CYP11A1: variants seen among roughly 807,000 people sequenced by gnomAD.
CYP11A1 encodes the protein cytochrome P450 family 11 subfamily A member 1.
A neutral mutation model predicts 51.9 loss-of-function variants in CYP11A1; 25 were observed. The observed-to-expected ratio is 0.48, with a 90% CI of 0.35 to 0.67. The LOEUF is 0.67. Among genes scored for constraint, CYP11A1 ranks in the 30% least tolerant of loss-of-function variants. CYP11A1 has a pLI of 0.00. For synonymous variants in CYP11A1, 245 were observed against 262.1 expected (o/e 0.93, Z 0.63); for missense variants, 578 against 680.9 (o/e 0.85, Z 1.68).
At chr15:74,340,735 C>A (rs535026057) in intron 5 of CYP11A1, among the ~76,000 whole-genome samples, 17 of 152,280 alleles carry the variant, frequency 1.1e-4, no homozygotes, top group African/African-American at 3.9e-4. Flanking sequence ...TCCTTCTCAG[C>A]TTAAAATCCT....
Position 74,338,083 on chromosome 15 carries a change from A to G in CYP11A1, c.1455T>C (p.Val485=). The change falls in exon 9 of 9, where the codon GTT becomes GTC. Residue 485 remains valine, a synonymous_variant. Coordinates refer to ENST00000268053, the MANE Select transcript of CYP11A1 (RefSeq NM_000781.3). ...CCACATCGCTGAGGTGTTGGATTTC[A>G]ACTCTGAAGTTCTCCAGCATCTGAG... ...FLINMLENFR[V]EIQHLSDVGT... is the part of the protein sequence containing the mutation. The G allele has an allele frequency of 6.2e-7, 1 of 1,614,164 alleles. No individual in the cohort carries two copies. The highest frequency in any genetic ancestry group is 1.7e-5 in the Admixed American group (1 of 60,018).
chr15:74,362,492 A>T, intron 1 of CYP11A1: 5 of 154,848 alleles, frequency 3.2e-5, no homozygotes, highest in South Asian at 2.0e-4. Context: ...ATCTGCTGGA[A>T]ACATCAGAGA....
chr15:74,361,207 T>A (rs1567057585), intron 1 of CYP11A1, among the ~76,000 whole-genome samples: 1 of 152,224 alleles, frequency 6.6e-6, no homozygotes, highest in African/African-American at 2.4e-5. Flanking sequence ...TTATTTGACA[T>A]GTTTAGGTAC....
In CYP11A1 at chr15:74,343,673, G is replaced by A. The variant is rs766748410; in HGVS notation, c.829+116C>T. ...GCCTTCCTGACACCCACGCCTGCCCGCCACAGTGTGGGTTTCCTACAGGTC... is the reference window on the plus strand; with the variant it reads ...GCCTTCCTGACACCCACGCCTGCCCACCACAGTGTGGGTTTCCTACAGGTC... On this transcript the variant is annotated intron_variant, in intron 4 of 8. Coordinates refer to ENST00000268053, the MANE Select transcript of CYP11A1 (RefSeq NM_000781.3). 4.1e-5 allele frequency: 39 copies of A among 943,008 alleles called. 1 individual carries two copies. Among genetic ancestry groups the A allele is most frequent in the Non-Finnish European group, 5.7e-5 (33 of 576,844 alleles). 58.4% of individuals were successfully genotyped at this position (943,008 alleles called of 1,614,324 possible). A position where few individuals can be genotyped will look rare whatever the true frequency, so the allele number is the denominator to read the frequency against.
rs376847692 is a variant in CYP11A1 at position 74,343,772 on chromosome 15, G to C, written c.829+17C>G. Reference sequence around the variant, plus strand: ...CTGGGGCTCCGAGGAGGAGAGCACAGCCAGAGAAGCCCTCACCTTTACTGA... The same window carrying C: ...CTGGGGCTCCGAGGAGGAGAGCACACCCAGAGAAGCCCTCACCTTTACTGA... On this transcript the variant is annotated intron_variant, in intron 4 of 8. Coordinates refer to ENST00000268053, the MANE Select transcript of CYP11A1 (RefSeq NM_000781.3). The C allele has an allele frequency of 6.2e-7, 1 of 1,607,990 alleles. No individual in the cohort carries two copies. The highest frequency in any genetic ancestry group is 1.3e-5 in the African/African-American group (1 of 74,792).
chr15:74,343,140 G>A lies in CYP11A1; in HGVS notation c.830-3C>T, dbSNP rs1567052479. The A allele has an allele frequency of 1.2e-6, 2 of 1,613,698 alleles. No individual in the cohort carries two copies. Among genetic ancestry groups the A allele is most frequent in the East Asian group, 2.2e-5 (1 of 44,876 alleles). Reference sequence around the variant, plus strand: ...GAAGTTCTGGGTGTATATGTCAGCTGTGGGGAAGGAGGAAAGAAAAAAGAG... The same window carrying A: ...GAAGTTCTGGGTGTATATGTCAGCTATGGGGAAGGAGGAAAGAAAAAAGAG... On this transcript the variant is annotated splice_region_variant and splice_polypyrimidine_tract_variant and intron_variant, in intron 4 of 8. Coordinates refer to ENST00000268053, the MANE Select transcript of CYP11A1 (RefSeq NM_000781.3).
chr15:74,364,913 C>T (rs1329162452), intron 1 of CYP11A1, among the ~76,000 whole-genome samples: 2 of 152,064 alleles, frequency 1.3e-5, no homozygotes, highest in Non-Finnish European at 2.9e-5. Context: ...GTGGGGGGAG[C>T]TCCCTGCCAC....
chr15:74,338,159 G>A, intron 8 of CYP11A1, 56 bp from the exon 9 acceptor site: 2 of 1,608,924 alleles, frequency 1.2e-6, no homozygotes, highest in African/African-American at 2.7e-5. Context: ...TGTCTCCCTA[G>A]CCAGGCCAAT....
intron 1 of CYP11A1, among the ~76,000 whole-genome samples, chr15:74,360,622 G>T (rs1457186582): frequency 1.3e-5 from 2 of 150,110 alleles, no homozygotes; most frequent in Admixed American, 6.6e-5. Context: ...GCCATTATAG[G>T]CCAGTCACAG....
chr15:74,366,963 ACC>A, intron 1 of CYP11A1: 1 of 300,474 alleles, frequency 3.3e-6, no homozygotes, highest in Non-Finnish European at 6.3e-6. Context: ...TGATCCGCCC[ACC>A]TCGGCCTCCC....
chr15:74,339,194 C>T (rs1256461512), intron 7 of CYP11A1, 43 bp downstream of exon 7: 1 of 1,537,718 alleles, frequency 6.5e-7, no homozygotes, highest in Non-Finnish European at 9.0e-7. Context: ...CTGCCCCAGC[C>T]CTCTCTGACT....
At chr15:74,357,251 C>T (rs1172193461) in intron 1 of CYP11A1, among the ~76,000 whole-genome samples, 2 of 152,210 alleles carry the variant, frequency 1.3e-5, no homozygotes, top group Non-Finnish European at 2.9e-5. Context: ...CTGACCCTGA[C>T]ACCCATCAGG....
At chr15:74,358,274 CT>C (rs2060690810) in intron 1 of CYP11A1, among the ~76,000 whole-genome samples, 1 of 152,190 alleles carries the variant, frequency 6.6e-6, no homozygotes, top group Admixed American at 6.5e-5. Flanking sequence ...AGTTTTTCTC[CT>C]TCTCATCGGT....
Position 74,345,095 on chromosome 15 carries a change from C to T in CYP11A1, c.574G>A (p.Gly192Arg), listed in dbSNP as rs146892548. 83 of 1,613,984 alleles carry T rather than the reference C, an allele frequency of 5.1e-5. No individual in the cohort carries two copies. The highest frequency in any genetic ancestry group is 6.0e-5 in the Non-Finnish European group (71 of 1,179,982). Residue 192 changes from glycine (G) to arginine (R), a missense_variant, in exon 3 of 9, where the codon GGA (glycine) becomes AGA (arginine). Coordinates refer to ENST00000268053, the MANE Select transcript of CYP11A1 (RefSeq NM_000781.3). This position sits in a 1 kb window ranked among gnomAD's most constrained non-coding sequence, Gnocchi z 4.3. ...TCACTGATGTCCCCCGAGTAATTTC[C>T]GGAGCCCGCCTTCTTGATGCGCCTG... ...LHRRIKKAGS[G>R]NYSGDISDDL...
At chr15:74,342,392 A>G (rs902283248) in intron 5 of CYP11A1, among the ~76,000 whole-genome samples, 1 of 152,136 alleles carries the variant, frequency 6.6e-6, no homozygotes, top group African/African-American at 2.4e-5. Flanking sequence ...AGGACTGATT[A>G]TTCTTAATAT....
chr15:74,365,911 T>G, intron 1 of CYP11A1: 1 of 985,564 alleles, frequency 1.0e-6, no homozygotes, highest in Non-Finnish European at 1.2e-6. Context: ...AGCGCCCCCG[T>G]AACACCTCAA....
chr15:74,337,781 G>A lies in CYP11A1; in HGVS notation c.*191C>T, dbSNP rs987038545. The stretch of plus-strand genomic sequence containing the variant: ...ACACCACATGGTTCAGCTGTTTATT[G>A]TCTCCATGGGGTGGGTGAAGAGGAG... On this transcript the variant is annotated 3_prime_UTR_variant, in exon 9 of 9. Coordinates refer to ENST00000268053, the MANE Select transcript of CYP11A1 (RefSeq NM_000781.3). The A allele has an allele frequency of 2.9e-6, 2 of 691,748 alleles. No individual in the cohort carries two copies. Among genetic ancestry groups the A allele is most frequent in the Non-Finnish European group, 5.1e-6 (2 of 390,614 alleles). The allele number at this position is 691,748 out of a possible 1,614,324, so 42.9% of individuals were successfully genotyped here.
chr15:74,361,621 T>C, intron 1 of CYP11A1: 1 of 1,180,352 alleles, frequency 8.5e-7, no homozygotes, highest in Admixed American at 1.7e-5. Context: ...TCCTTTGAGC[T>C]GTTTGCAGAC....
intron 4 of CYP11A1, 76 bp downstream of exon 4, chr15:74,343,713 T>G: frequency 1.4e-5 from 19 of 1,334,272 alleles, no homozygotes; most frequent in Non-Finnish European, 1.8e-5. Flanking sequence ...CAGCGCCCAT[T>G]GACATAGCGT....
Sources: gnomAD v4.1 joint callset for allele counts (sites outside exome capture counted in the v4.1 genomes callset) on GRCh38, gnomAD v4.1.1 for gene constraint, Gnocchi (gnomAD v3.1) non-coding constraint, MANE v1.5 for transcripts, NCBI Gene and HGNC (gene_info 2026-07-23, HGNC 2026-07-21) for gene names.